The following KMT2E variants were observed in gnomAD, a reference collection of about 807,000 sequenced individuals.
KMT2E encodes the protein lysine methyltransferase 2E (inactive).
KMT2E carries 30 observed loss-of-function variants against 184.6 expected under a neutral mutation model. The observed-to-expected ratio is 0.16, with a 90% CI of 0.12 to 0.22. The LOEUF (loss-of-function observed/expected upper bound fraction) is 0.22, where lower values mean the gene tolerates loss of function less well. KMT2E is among the 10% of genes least tolerant of loss of function. The pLI, the probability that KMT2E is intolerant of heterozygous loss-of-function variation, is 1.00. For missense variants in KMT2E, 2,023 were observed against 2,237.4 expected, an observed-to-expected ratio of 0.90 and a Z score of 1.93; for synonymous variants, 815 against 776.5, an observed-to-expected ratio of 1.05 and a Z score of -0.82.
intron 13 of KMT2E, among the ~76,000 whole-genome samples, chr7:105,086,738 AT>A (rs1307891818): frequency 1.2e-4 from 17 of 146,770 alleles, no homozygotes; most frequent in African/African-American, 1.5e-4. Flanking sequence ...AAATAAAAAA[AT>A]ATATAAATAA....
At chr7:105,043,526 G>A (rs1343833282) in intron 3 of KMT2E, among the ~76,000 whole-genome samples, 1 of 152,084 alleles carries the variant, frequency 6.6e-6, no homozygotes, top group East Asian at 1.9e-4. Context: ...GTGAGCCACC[G>A]CGCCCGGCCA....
chr7:105,108,080 CTTAA>C (rs1007250334), intron 22 of KMT2E, among the ~76,000 whole-genome samples, 155 bp downstream of exon 22: 1 of 150,610 alleles, frequency 6.6e-6, no homozygotes, highest in African/African-American at 2.4e-5. Flanking sequence ...TAAATGCTGG[CTTAA>C]TTAGAAAATG....
chr7:105,106,418 A>G (rs1006385185), intron 19 of KMT2E, 104 bp from the exon 20 acceptor site: 31 of 1,113,232 alleles, frequency 2.8e-5, no homozygotes, highest in East Asian at 4.9e-5. Flanking sequence ...GGTAAAAGTC[A>G]TAACTGCCAT....
At chr7:105,054,993 A>G (rs1295226069) in intron 3 of KMT2E, among the ~76,000 whole-genome samples, 1 of 152,144 alleles carries the variant, frequency 6.6e-6, no homozygotes, top group African/African-American at 2.4e-5. Context: ...AGGATGATGG[A>G]AGGAGTCTTG....
rs1562933741 is a variant in KMT2E, at chr7:105,109,224, C to G, written c.3751C>G (p.Gln1251Glu). The G allele has an allele frequency of 1.9e-6, 3 of 1,613,224 alleles. No individual in the cohort carries two copies. The highest frequency in any genetic ancestry group is 2.5e-6 in the Non-Finnish European group (3 of 1,179,564). Reference protein sequence around the residue: ...TASEKNEPEVQWTASTSVEQV... With the variant: ...TASEKNEPEVEWTASTSVEQV... ...TAGTGAGAAGAATGAACCAGAAGTT[C>G]AATGGTAAGCCCATTGTGAAGTATG... Residue 1251 changes from glutamine to glutamate, a missense_variant, in exon 23 of 27, where the codon CAA becomes GAA. By Grantham distance (29) the Gln-to-Glu change is conservative. Around this residue, in one of 8 missense-constraint regions of KMT2E, gnomAD observed 1,108 missense variants for 1,050.9 expected, o/e 1.05. Transcript: ENST00000311117.
intron 15 of KMT2E, among the ~76,000 whole-genome samples, chr7:105,095,166 T>C (rs1798352435): frequency 6.6e-6 from 1 of 152,178 alleles, no homozygotes. Flanking sequence ...CAAAAATAAA[T>C]ACAACTCAGC....
At chr7:105,090,899 C>A (rs1291012075) in intron 14 of KMT2E, among the ~76,000 whole-genome samples, 1 of 152,080 alleles carries the variant, frequency 6.6e-6, no homozygotes, top group African/African-American at 2.4e-5. Flanking sequence ...TTTTTGAGCA[C>A]TGGGTATTTG....
At chr7:105,082,609 C>T (rs777440057) in intron 13 of KMT2E, among the ~76,000 whole-genome samples, 1 of 151,842 alleles carries the variant, frequency 6.6e-6, no homozygotes, top group Non-Finnish European at 1.5e-5. Flanking sequence ...GGGGGTTGCT[C>T]TTGCTGTCTC....
rs1363106580 is a variant in KMT2E at position 105,114,386 on chromosome 7, T to C, written c.*1053T>C. The C allele has an allele frequency of 5.9e-5, 9 of 152,184 alleles. No individual in the cohort carries two copies. Among genetic ancestry groups the C allele is most frequent in the Non-Finnish European group, 7.4e-5 (5 of 68,024 alleles). The allele number at this position is 152,184 out of a possible 1,614,324, so 9.4% of individuals were successfully genotyped here. A position where few individuals can be genotyped will look rare whatever the true frequency, so the allele number is the denominator to read the frequency against. ...AAGGTACAACAACTGTTTGAAAATATGGGTAGTTTGCCCAAAACAGGAAAA... is the reference window on the plus strand; with the variant it reads ...AAGGTACAACAACTGTTTGAAAATACGGGTAGTTTGCCCAAAACAGGAAAA... On this transcript the variant is annotated 3_prime_UTR_variant, in exon 27 of 27. Transcript: ENST00000311117.
chr7:105,091,093 TA>T (rs1346538798), intron 14 of KMT2E, 122 bp from the exon 15 acceptor site: 3 of 503,776 alleles, frequency 6.0e-6, no homozygotes, highest in Non-Finnish European at 7.2e-6. Flanking sequence ...ATTTCTTAAA[TA>T]ATTTAAATAG....
chr7:105,032,316 C>CA (rs1413432602), intron 1 of KMT2E, among the ~76,000 whole-genome samples: 1 of 151,972 alleles, frequency 6.6e-6, no homozygotes, highest in Non-Finnish European at 1.5e-5. Flanking sequence ...TGGTGGCAGA[C>CA]ACCTGTATTC....
chr7:105,109,558 A>C (rs552866677), intron 23 of KMT2E, among the ~76,000 whole-genome samples: 8 of 152,318 alleles, frequency 5.3e-5, no homozygotes, highest in Non-Finnish European at 7.3e-5. Context: ...CTTCAGAAGG[A>C]ATAGGAGCAG....
intron 1 of KMT2E, among the ~76,000 whole-genome samples, chr7:105,016,696 G>T (rs1201129198): frequency 6.6e-6 from 1 of 152,194 alleles, no homozygotes; most frequent in East Asian, 1.9e-4. Flanking sequence ...TGACCATTCT[G>T]ATTGTGGAGC....
chr7:105,107,980 A>C (rs1044986812), intron 22 of KMT2E, 55 bp downstream of exon 22: 54 of 1,131,016 alleles, frequency 4.8e-5, no homozygotes, highest in Non-Finnish European at 5.8e-5. Context: ...TTTTTTCATA[A>C]TACTACTGAG....
rs529618803 is a variant in KMT2E at position 105,042,313 on chromosome 7, T to C, written c.71+1290T>C. ...GCCATGTTTACAGCTGTTCTTAGGG[T>C]AATGCTGAATTTTTCATTTGTTTCG... On this transcript the variant is annotated intron_variant, in intron 3 of 26. Transcript: ENST00000311117. Among the ~76,000 whole-genome samples, 6 of 152,242 alleles carry C rather than the reference T, an allele frequency of 3.9e-5. No homozygotes were observed. In the South Asian group the frequency reaches 1.2e-3, roughly 32 times the overall value.
chr7:105,062,622 A>G (rs1796865264), intron 4 of KMT2E, among the ~76,000 whole-genome samples: 1 of 151,916 alleles, frequency 6.6e-6, no homozygotes, highest in African/African-American at 2.4e-5. Flanking sequence ...TTTTTGAATT[A>G]TATAGTAATT....
intron 3 of KMT2E, among the ~76,000 whole-genome samples, chr7:105,061,215 G>A (rs1796801153): frequency 6.6e-6 from 1 of 151,612 alleles, no homozygotes; most frequent in African/African-American, 2.4e-5. Context: ...CTAGTCTCAT[G>A]ACTAATCAGA....
At chr7:105,032,996 AG>A (rs1248241704) in intron 1 of KMT2E, among the ~76,000 whole-genome samples, 1 of 152,208 alleles carries the variant, frequency 6.6e-6, no homozygotes, top group African/African-American at 2.4e-5. Flanking sequence ...AGGAAGCCAT[AG>A]GTGAGAGGGT....
chr7:105,082,333 A>G (rs1797788723), intron 13 of KMT2E, among the ~76,000 whole-genome samples: 1 of 152,314 alleles, frequency 6.6e-6, no homozygotes, highest in Admixed American at 6.5e-5. Context: ...AACTGCCTGC[A>G]CAGTCCACAA....
Sources: allele counts gnomAD v4.1 joint callset (sites outside exome capture counted in the v4.1 genomes callset), GRCh38; gene constraint gnomAD v4.1.1; regional missense constraint gnomAD v4.1.1; transcripts MANE v1.5; gene names NCBI Gene and HGNC (gene_info 2026-07-23, HGNC 2026-07-21).